UNC5D: variants seen among roughly 807,000 people sequenced by gnomAD.
UNC5D encodes the protein unc-5 netrin receptor D, also known as netrin receptor UNC5D.
A neutral mutation model predicts 105.4 loss-of-function variants in UNC5D; 39 were observed. The observed-to-expected ratio is 0.37, with a 90% CI of 0.29 to 0.48. The LOEUF (loss-of-function observed/expected upper bound fraction) is 0.48. Ranked by LOEUF, UNC5D falls within the 20% of genes least tolerant of loss-of-function variation. The pLI is 0.98. For synonymous variants in UNC5D, 452 were observed against 450.4 expected (o/e 1.00, Z -0.04); for missense variants, 991 against 1,202.4 (o/e 0.82, Z 2.60).
At chr8:35,601,068 A>C (rs1241550165) in intron 4 of UNC5D, among the ~76,000 whole-genome samples, 1 of 152,074 alleles carries the variant, frequency 6.6e-6, no homozygotes, top group Non-Finnish European at 1.5e-5. Context: ...TCCTATCCCT[A>C]TTGCTTGTTT....
chr8:35,369,902 C>T (rs895364127), intron 1 of UNC5D, among the ~76,000 whole-genome samples: 1 of 152,118 alleles, frequency 6.6e-6, no homozygotes, highest in African/African-American at 2.4e-5. Flanking sequence ...TTAAACCCAC[C>T]CACTTATTTT....
intron 1 of UNC5D, among the ~76,000 whole-genome samples, chr8:35,477,893 T>C (rs555122387): frequency 2.6e-5 from 4 of 152,270 alleles, no homozygotes; most frequent in African/African-American, 9.6e-5. Context: ...TTCTCAAAGC[T>C]ACTGGTTAAA....
At chr8:35,553,171 G>T (rs1431346770) in intron 2 of UNC5D, among the ~76,000 whole-genome samples, 1 of 152,078 alleles carries the variant, frequency 6.6e-6, no homozygotes, top group African/African-American at 2.4e-5. Context: ...CTCATATAAA[G>T]ACCTCTTGAA....
intron 1 of UNC5D, among the ~76,000 whole-genome samples, chr8:35,398,309 A>C (rs552575856): frequency 1.2e-3 from 187 of 152,156 alleles, no homozygotes; most frequent in African/African-American, 4.4e-3. Flanking sequence ...GTGTTTCTCT[A>C]TATATAACAA....
chr8:35,666,293 G>A (rs1217321146), intron 4 of UNC5D, among the ~76,000 whole-genome samples: 5 of 152,094 alleles, frequency 3.3e-5, no homozygotes, highest in African/African-American at 7.2e-5. Context: ...AAGGATCGGA[G>A]TGAGGAGAAT....
chr8:35,325,532 G>C (rs565114568), intron 1 of UNC5D, among the ~76,000 whole-genome samples: 1 of 152,320 alleles, frequency 6.6e-6, no homozygotes, highest in South Asian at 2.1e-4. Flanking sequence ...GTGAGTCAAA[G>C]AGGGGAACTT....
At chr8:35,248,081 AT>A (rs1355988895) in intron 1 of UNC5D, among the ~76,000 whole-genome samples, 1 of 71,946 alleles carries the variant, frequency 1.4e-5, no homozygotes, top group Non-Finnish European at 2.3e-5. Flanking sequence ...TATATAAAAA[AT>A]ATAATATATA....
chr8:35,722,375 A>C lies in UNC5D; in HGVS notation c.1283A>C (p.Asn428Thr), dbSNP rs1563705291. 2 of 1,613,950 alleles carry C rather than the reference A, an allele frequency of 1.2e-6. No homozygotes were observed. The highest frequency in any genetic ancestry group is 1.3e-5 in the African/African-American group (1 of 75,018). Residue 428 changes from asparagine (N) to threonine (T), a missense_variant, in exon 9 of 17, where the codon AAC becomes ACC. Physicochemically the swap from Asn to Thr is moderately conservative, Grantham distance 65. Transcript: ENST00000404895. Reference protein sequence around the residue: ...SALTGGFQTFNFKTVRQGNSL... With the variant: ...SALTGGFQTFTFKTVRQGNSL... Reference sequence around the variant, plus strand: ...TTGACAGGTGGCTTCCAGACCTTCAACTTCAAAACAGTCCGTCAAGGTCAG... The same window carrying C: ...TTGACAGGTGGCTTCCAGACCTTCACCTTCAAAACAGTCCGTCAAGGTCAG...
intron 4 of UNC5D, among the ~76,000 whole-genome samples, chr8:35,654,975 G>A (rs1272485867): frequency 6.6e-6 from 1 of 152,180 alleles, no homozygotes; most frequent in Non-Finnish European, 1.5e-5. Context: ...CAGATGGAAA[G>A]TGGAAGACAG....
intron 4 of UNC5D, among the ~76,000 whole-genome samples, chr8:35,663,359 A>G (rs766649012): frequency 9.9e-5 from 15 of 152,194 alleles, no homozygotes; most frequent in Non-Finnish European, 1.6e-4. Context: ...ACTCTAGAAA[A>G]AGATTCGAAC....
intron 2 of UNC5D, among the ~76,000 whole-genome samples, chr8:35,563,796 A>G (rs575555581): frequency 3.3e-5 from 5 of 152,022 alleles, no homozygotes; most frequent in African/African-American, 1.2e-4. Context: ...CTTTCTATGT[A>G]TAATTTTTCG....
At chr8:35,600,888 G>C (rs1223574564) in intron 4 of UNC5D, among the ~76,000 whole-genome samples, 4 of 152,068 alleles carry the variant, frequency 2.6e-5, no homozygotes, top group Non-Finnish European at 5.9e-5. Flanking sequence ...CCTATGTCCT[G>C]AATGGTATTG....
chr8:35,344,863 C>T (rs989963916), intron 1 of UNC5D, among the ~76,000 whole-genome samples: 2 of 151,948 alleles, frequency 1.3e-5, no homozygotes, highest in African/African-American at 2.4e-5. Context: ...AAGAAGCACA[C>T]GTTTATAAAA....
intron 4 of UNC5D, among the ~76,000 whole-genome samples, chr8:35,645,535 G>GTA (rs1320873592): frequency 6.6e-6 from 1 of 151,816 alleles, no homozygotes; most frequent in African/African-American, 2.4e-5. Flanking sequence ...TGCTGTGTGT[G>GTA]TGTGTGTGTG....
intron 1 of UNC5D, among the ~76,000 whole-genome samples, chr8:35,403,401 T>G (rs1750359031): frequency 6.6e-6 from 1 of 152,130 alleles, no homozygotes; most frequent in African/African-American, 2.4e-5. Flanking sequence ...CCAAATCCAT[T>G]GTGATGCATA....
At chr8:35,731,518 A>G (rs1269142559) in intron 11 of UNC5D, among the ~76,000 whole-genome samples, 8 of 152,056 alleles carry the variant, frequency 5.3e-5, no homozygotes, top group African/African-American at 1.9e-4. Context: ...AGATGAGATC[A>G]TGAACTCCTT....
chr8:35,419,275 G>A (rs755124639), intron 1 of UNC5D, among the ~76,000 whole-genome samples: 4 of 152,068 alleles, frequency 2.6e-5, no homozygotes, highest in African/African-American at 4.8e-5. Context: ...AAATCTCTGC[G>A]GCCAGTGATG....
At chr8:35,646,005 A>G (rs1823022598) in intron 4 of UNC5D, among the ~76,000 whole-genome samples, 1 of 152,172 alleles carries the variant, frequency 6.6e-6, no homozygotes, top group Admixed American at 6.6e-5. Context: ...TAAGTTCAGC[A>G]GAGACTGTCA....
chr8:35,633,251 ATC>A (rs1295677655), intron 4 of UNC5D, among the ~76,000 whole-genome samples: 4 of 152,212 alleles, frequency 2.6e-5, no homozygotes, highest in African/African-American at 9.6e-5. Context: ...TCAGCAGCAT[ATC>A]TCTACATGCT....
Sources: gnomAD v4.1 joint callset for allele counts (sites outside exome capture counted in the v4.1 genomes callset) on GRCh38, gnomAD v4.1.1 for gene constraint, MANE v1.5 for transcripts, NCBI Gene and HGNC (gene_info 2026-07-23, HGNC 2026-07-21) for gene names.